SH3GL3: variants seen among roughly 807,000 people sequenced by gnomAD.
SH3GL3 encodes the protein SH3 domain containing GRB2 like 3, endophilin A3, also known as endophilin-A3.
SH3GL3 carries 33 observed loss-of-function variants against 47.7 expected under a neutral mutation model. The ratio of observed to expected loss-of-function variants is 0.69; its 90% CI spans 0.52 to 0.92. The LOEUF (loss-of-function observed/expected upper bound fraction) is 0.92. SH3GL3 is among the 40% of genes least tolerant of loss of function. SH3GL3 has a pLI of 0.00. For synonymous variants in SH3GL3, 155 were observed against 148.8 expected, an observed-to-expected ratio of 1.04 and a Z score of -0.30; for missense variants, 363 against 417.8, an observed-to-expected ratio of 0.87 and a Z score of 1.14.
At chr15:83,585,652 A>C (rs2059934890) in intron 6 of SH3GL3, among the ~76,000 whole-genome samples, 1 of 152,164 alleles carries the variant, frequency 6.6e-6, no homozygotes, top group Non-Finnish European at 1.5e-5. Context: ...AATCCTTAGG[A>C]TTTAGTAGGG....
chr15:83,544,509 A>G (rs1596224994), intron 1 of SH3GL3, among the ~76,000 whole-genome samples: 1 of 152,106 alleles, frequency 6.6e-6, no homozygotes, highest in African/African-American at 2.4e-5. Flanking sequence ...TTCTTTATTG[A>G]AATGCTAATG....
At chr15:83,538,408 A>G (rs971941566) in intron 1 of SH3GL3, among the ~76,000 whole-genome samples, 1 of 152,240 alleles carries the variant, frequency 6.6e-6, no homozygotes, top group Non-Finnish European at 1.5e-5. Context: ...GTGACAGACC[A>G]CAAGTGTACA....
At chr15:83,622,952 C>T (rs1267631895), downstream of SH3GL3, among the ~76,000 whole-genome samples, 2 of 152,212 alleles carry the variant, frequency 1.3e-5, no homozygotes, top group Non-Finnish European at 2.9e-5. Flanking sequence ...ACCATCAAAG[C>T]GACACCATAT....
chr15:83,517,976 C>G (rs1355580448), intron 1 of SH3GL3, among the ~76,000 whole-genome samples: 2 of 152,074 alleles, frequency 1.3e-5, no homozygotes, highest in Admixed American at 6.6e-5. Flanking sequence ...TGTTTAGCTC[C>G]CACTTATAAG....
intron 1 of SH3GL3, among the ~76,000 whole-genome samples, chr15:83,474,039 C>G (rs531480497): frequency 4.5e-4 from 69 of 152,084 alleles, no homozygotes; most frequent in African/African-American, 1.6e-3. Context: ...TGTTTGTGTT[C>G]TATATAATGC....
chr15:83,623,201 C>T (rs1013644651), downstream of SH3GL3, among the ~76,000 whole-genome samples: 9 of 152,192 alleles, frequency 5.9e-5, no homozygotes, highest in Non-Finnish European at 8.8e-5. Context: ...CTCATAAGAT[C>T]GTGCTACTGT....
chr15:83,574,548 G>T (rs1307952595), intron 5 of SH3GL3, among the ~76,000 whole-genome samples: 1 of 152,062 alleles, frequency 6.6e-6, no homozygotes, highest in East Asian at 1.9e-4. Context: ...AGCTGCCCTT[G>T]ACCCCTGGTG....
chr15:83,609,191 G>C (rs933296242), intron 8 of SH3GL3: 2 of 444,404 alleles, frequency 4.5e-6, no homozygotes, highest in South Asian at 1.6e-5. Context: ...TAGGGGTGCT[G>C]GGAAAGGGAC....
chr15:83,537,881 C>G (rs2043984570), intron 1 of SH3GL3, among the ~76,000 whole-genome samples: 1 of 152,040 alleles, frequency 6.6e-6, no homozygotes, highest in Non-Finnish European at 1.5e-5. Context: ...GGATATGCCT[C>G]TCTCTCTATA....
chr15:83,553,360 A>C (rs2044764417), intron 1 of SH3GL3, among the ~76,000 whole-genome samples: 2 of 152,256 alleles, frequency 1.3e-5, no homozygotes, highest in Admixed American at 1.3e-4. Flanking sequence ...AGATGTATAT[A>C]GCTAGATTGT....
At chr15:83,500,374 G>A (rs548009193) in intron 1 of SH3GL3, among the ~76,000 whole-genome samples, 1 of 152,178 alleles carries the variant, frequency 6.6e-6, no homozygotes, top group Non-Finnish European at 1.5e-5. Flanking sequence ...TTTTGTTGCT[G>A]CCTCCTTTTG....
intron 1 of SH3GL3, among the ~76,000 whole-genome samples, chr15:83,456,160 G>T (rs1400032606): frequency 6.7e-5 from 5 of 74,578 alleles, no homozygotes; most frequent in Admixed American, 1.2e-4. Flanking sequence ...GAGGCAGTCT[G>T]CCCGTTCTCA....
chr15:83,466,278 T>A (rs1185181999), intron 1 of SH3GL3, among the ~76,000 whole-genome samples: 2 of 152,182 alleles, frequency 1.3e-5, no homozygotes, highest in African/African-American at 4.8e-5. Context: ...ACCATTAACA[T>A]GTGGAAGGAC....
intron 1 of SH3GL3, among the ~76,000 whole-genome samples, chr15:83,516,706 T>C (rs963113193): frequency 1.3e-5 from 2 of 152,078 alleles, no homozygotes; most frequent in African/African-American, 4.8e-5. Context: ...ATGAGGGGTG[T>C]GCCTCATGAT....
At chr15:83,599,048 C>G (rs2060310657) in intron 8 of SH3GL3, among the ~76,000 whole-genome samples, 1 of 152,160 alleles carries the variant, frequency 6.6e-6, no homozygotes, top group African/African-American at 2.4e-5. Flanking sequence ...TTTGATGAAG[C>G]AGATATATTT....
chr15:83,567,336 T>A (rs2045597650), intron 3 of SH3GL3, among the ~76,000 whole-genome samples: 1 of 152,202 alleles, frequency 6.6e-6, no homozygotes, highest in African/African-American at 2.4e-5. Context: ...CACACTGGAC[T>A]TTATTTTCAT....
At chr15:83,470,973 A>G (rs28661255) in intron 1 of SH3GL3, among the ~76,000 whole-genome samples, 51,451 of 151,976 alleles carry the variant, frequency 0.34, 9,327 homozygotes, top group South Asian at 0.65. Flanking sequence ...TCTTCTATAT[A>G]CATTTAGAAA....
At position 83,588,672 on chromosome 15, in the gene SH3GL3, G is replaced by A. The variant is rs2060012587; in HGVS notation, c.739G>A (p.Ala247Thr). ...CGATGTGTGTTACAGAATATCAGCTGCATCCAGTGTCCCCAGACGAGAATA... is the reference window on the plus strand; with the variant it reads ...CGATGTGTGTTACAGAATATCAGCTACATCCAGTGTCCCCAGACGAGAATA... ...QSKLQMRISA[A>T]SSVPRREYKP... The change falls in exon 8 of 9, where the codon GCA (alanine) becomes ACA (threonine). Residue 247 changes from alanine to threonine, a missense_variant. Coordinates refer to ENST00000427482, the MANE Select transcript of SH3GL3 (RefSeq NM_003027.5). The A allele has an allele frequency of 3.1e-6, 5 of 1,600,978 alleles. No homozygotes were observed. Among genetic ancestry groups the A allele is most frequent in the Non-Finnish European group, 4.3e-6 (5 of 1,168,192 alleles).
intron 4 of SH3GL3, among the ~76,000 whole-genome samples, chr15:83,571,951 C>G (rs943992489): frequency 6.6e-5 from 10 of 152,116 alleles, no homozygotes; most frequent in African/African-American, 4.8e-5. Context: ...CTGCCACTAC[C>G]CGAGCCAGGA....
Sources: gnomAD v4.1 joint callset for allele counts (sites outside exome capture counted in the v4.1 genomes callset) on GRCh38, gnomAD v4.1.1 for gene constraint, MANE v1.5 for transcripts, NCBI Gene and HGNC (gene_info 2026-07-23, HGNC 2026-07-21) for gene names.